HMGCLL1: variants seen among roughly 807,000 people sequenced by gnomAD.
The protein encoded by HMGCLL1 is 3-hydroxymethyl-3-methylglutaryl-CoA lyase, cytoplasmic.
Under a neutral mutation model 39.1 loss-of-function variants are expected in HMGCLL1, and 36 were observed. The ratio of observed to expected loss-of-function variants is 0.92; its 90% CI spans 0.71 to 1.22. The LOEUF is 1.22. Among genes scored for constraint, HMGCLL1 ranks in the 50% most tolerant of loss-of-function variants. The pLI, the probability that HMGCLL1 is intolerant of heterozygous loss-of-function variation, is 0.00. For synonymous variants in HMGCLL1, 149 were observed against 144.0 expected, an observed-to-expected ratio of 1.03 and a Z score of -0.25; for missense variants, 451 against 416.5, an observed-to-expected ratio of 1.08 and a Z score of -0.72.
chr6:55,490,371 T>A (rs1766249081), intron 7 of HMGCLL1, among the ~76,000 whole-genome samples: 1 of 152,102 alleles, frequency 6.6e-6, no homozygotes. Context: ...CAAAAAACTG[T>A]TAAACTGTGA....
In HMGCLL1 at chr6:55,495,426, G is replaced by A. The variant is rs771133971; in HGVS notation, c.788C>T (p.Ala263Val). ...ACAAAGAGTACAAAATACCTGAAGG[G>A]CCGTAAGGATATTTGCTAAGGCTTG... ...YGQALANILTALQMGINVVDS... is the reference protein window; with the variant it reads ...YGQALANILTVLQMGINVVDS... Residue 263 changes from alanine to valine, a missense_variant, in exon 7 of 9, where the codon GCC (alanine) becomes GTC (valine). Ala to Val is a moderately conservative substitution (Grantham distance 64). Transcript: ENST00000274901. 1 of 1,613,102 alleles carries A rather than the reference G, an allele frequency of 6.2e-7. No individual in the cohort carries two copies. The highest frequency in any genetic ancestry group is 1.7e-5 in the Admixed American group (1 of 59,908).
chr6:55,440,973 T>C (rs2069952327), intron 7 of HMGCLL1, among the ~76,000 whole-genome samples: 1 of 152,160 alleles, frequency 6.6e-6, no homozygotes, highest in Non-Finnish European at 1.5e-5. Context: ...GTTTTCTCTA[T>C]GGTTAACATC....
At chr6:55,674,103 T>C in the HMGCLL1 span, among the ~76,000 whole-genome samples, 9 of 152,048 alleles carry the variant, frequency 5.9e-5, no homozygotes, top group African/African-American at 1.7e-4. Flanking sequence ...TGTCGTAATG[T>C]TTCTAGTTGA....
intron 3 of HMGCLL1, among the ~76,000 whole-genome samples, chr6:55,531,318 C>T (rs1378027263): frequency 6.6e-6 from 1 of 152,084 alleles, no homozygotes; most frequent in East Asian, 1.9e-4. Context: ...GCAAAAAAGA[C>T]CACTAAAGAG....
At chr6:55,484,331 C>A (rs1765897402) in intron 7 of HMGCLL1, among the ~76,000 whole-genome samples, 2 of 152,038 alleles carry the variant, frequency 1.3e-5, no homozygotes, top group Non-Finnish European at 2.9e-5. Context: ...TCTCCTCAAA[C>A]TACTCTGCTC....
At chr6:55,602,637 C>T in the HMGCLL1 span, among the ~76,000 whole-genome samples, 1 of 151,828 alleles carries the variant, frequency 6.6e-6, no homozygotes, top group African/African-American at 2.4e-5. Flanking sequence ...TTCTGTGTTA[C>T]ATTCTTTGGA....
chr6:55,516,612 C>T lies in HMGCLL1; in HGVS notation c.298-9G>A. 2 of 1,548,364 alleles carry T rather than the reference C, an allele frequency of 1.3e-6. No individual in the cohort carries two copies. The highest frequency in any genetic ancestry group is 1.2e-5 in the South Asian group (1 of 84,744). ...TCAGTGTGATCAGCCATCTTAAATA[C>T]ATAATAGTTATATGTAAATGTGTAA... On this transcript the variant is annotated splice_polypyrimidine_tract_variant and intron_variant, in intron 3 of 8. Transcript: ENST00000274901.
At chr6:55,630,364 A>G in the HMGCLL1 span, among the ~76,000 whole-genome samples, 5 of 152,032 alleles carry the variant, frequency 3.3e-5, no homozygotes, top group African/African-American at 9.7e-5. Flanking sequence ...CCCAATGCCC[A>G]TACCCCTATT....
intron 7 of HMGCLL1, among the ~76,000 whole-genome samples, chr6:55,468,094 G>T (rs1486042320): frequency 6.6e-6 from 1 of 152,000 alleles, no homozygotes; most frequent in African/African-American, 2.4e-5. Flanking sequence ...GGCTGCAGTA[G>T]CAGATTGAGG....
the HMGCLL1 span, among the ~76,000 whole-genome samples, chr6:55,628,707 G>A: frequency 6.6e-6 from 1 of 152,062 alleles, no homozygotes; most frequent in African/African-American, 2.4e-5. Context: ...TGTTGTGGGA[G>A]GAACCCAGTG....
intron 3 of HMGCLL1, among the ~76,000 whole-genome samples, chr6:55,528,507 T>G (rs1016302841): frequency 6.6e-6 from 1 of 152,010 alleles, no homozygotes; most frequent in African/African-American, 2.4e-5. Context: ...CACAGACTCC[T>G]TGCACAAACC....
the HMGCLL1 span, among the ~76,000 whole-genome samples, chr6:55,629,792 A>G: frequency 2.6e-5 from 4 of 152,206 alleles, no homozygotes; most frequent in African/African-American, 9.6e-5. Context: ...CCAAGCCTCA[A>G]GCCTTGGCTG....
intron 1 of HMGCLL1, chr6:55,563,884 G>A (rs747681276): frequency 3.1e-6 from 4 of 1,288,082 alleles, no homozygotes; most frequent in Non-Finnish European, 4.0e-6. Flanking sequence ...AGAGGTCCAT[G>A]GTGCAGCATC....
chr6:55,642,532 A>T, the HMGCLL1 span, among the ~76,000 whole-genome samples: 1 of 152,134 alleles, frequency 6.6e-6, no homozygotes, highest in Non-Finnish European at 1.5e-5. Flanking sequence ...CCAGCATGCA[A>T]TGCTTAATAA....
the HMGCLL1 span, among the ~76,000 whole-genome samples, chr6:55,622,133 C>T: frequency 1.3e-5 from 2 of 151,948 alleles, no homozygotes; most frequent in African/African-American, 4.8e-5. Context: ...TTGTATCTTA[C>T]TTTACTGAAT....
At chr6:55,617,421 C>T in the HMGCLL1 span, among the ~76,000 whole-genome samples, 1 of 151,988 alleles carries the variant, frequency 6.6e-6, no homozygotes, top group Non-Finnish European at 1.5e-5. Context: ...GGTTGGGAAC[C>T]ATGCTAAATG....
At chr6:55,606,645 A>G in the HMGCLL1 span, among the ~76,000 whole-genome samples, 6 of 152,328 alleles carry the variant, frequency 3.9e-5, no homozygotes, top group Admixed American at 3.9e-4. Flanking sequence ...CACCACAAAC[A>G]TAATTCATGC....
In HMGCLL1 at chr6:55,532,444, G is replaced by A. The variant is rs922112306; in HGVS notation, c.297+9285C>T. 2.0e-5 allele frequency among the ~76,000 whole-genome samples: 3 copies of A among 152,118 alleles called. No individual in the cohort carries two copies. The East Asian group carries it at 5.8e-4, about 29-fold the overall frequency. ...TGTTGAATGCTGAGTAATACCAAAC[G>A]ATGTTAGCAACAAATATTTTCCCCC... is the stretch of plus-strand genomic sequence containing the variant. On this transcript the variant is annotated intron_variant, in intron 3 of 8. Transcript: ENST00000274901.
At chr6:55,463,571 A>G (rs1048889114) in intron 7 of HMGCLL1, among the ~76,000 whole-genome samples, 1 of 152,162 alleles carries the variant, frequency 6.6e-6, no homozygotes, top group Non-Finnish European at 1.5e-5. Context: ...TTGTAATACA[A>G]CTGCTTCAAA....
Sources: allele counts gnomAD v4.1 joint callset (sites outside exome capture counted in the v4.1 genomes callset), GRCh38; gene constraint gnomAD v4.1.1; transcripts MANE v1.5; gene names NCBI Gene and HGNC (gene_info 2026-07-23, HGNC 2026-07-21).